Variants in FBXW5 observed in about 807,000 individuals in gnomAD.
FBXW5 encodes F-box and WD repeat domain containing 5.
Under a neutral mutation model 50.9 loss-of-function variants are expected in FBXW5, and 74 were observed. The ratio of observed to expected loss-of-function variants is 1.45; its 90% CI spans 1.20 to 1.76. The LOEUF (loss-of-function observed/expected upper bound fraction) is 1.76. FBXW5 is among the 40% of genes most tolerant of loss of function. The pLI, the probability that FBXW5 is intolerant of heterozygous loss-of-function variation, is 0.00. For missense variants in FBXW5, 1,073 were observed against 818.8 expected (o/e 1.31, Z -3.79); for synonymous variants, 523 against 362.2 (o/e 1.44, Z -5.04).
In FBXW5 at chr9:136,941,300, CGTT is replaced by C. The variant is rs1200733388; in HGVS notation, c.1405_1407del (p.Asn469del). 1.2e-6 allele frequency: 2 copies of C among 1,609,144 alleles called. No individual in the cohort carries two copies. Among genetic ancestry groups the C allele is most frequent in the African/African-American group, 2.7e-5 (2 of 74,938 alleles). On this transcript the variant is annotated inframe_deletion, in exon 8 of 9. Coordinates refer to ENST00000325285, the MANE Select transcript of FBXW5 (RefSeq NM_018998.4). ...TCCAGGAAGATGAAGAAGCACTCGT[CGTT>C]GGGCGTGTAGGCGCGGTGCGCACGC...
At chr9:136,944,245 G>T in intron 1 of FBXW5, 139 bp from the exon 2 acceptor site, 1 of 972,578 alleles carries the variant, frequency 1.0e-6, no homozygotes, top group Non-Finnish European at 1.4e-6. Context: ...GGGTACCGCC[G>T]CCCAACCAAG....
chr9:136,941,511 G>A lies in FBXW5; in HGVS notation c.1244+26C>T, dbSNP rs368964340. On this transcript the variant is annotated intron_variant, in intron 7 of 8. Transcript: ENST00000325285. Reference sequence around the variant, plus strand: ...GGTGTGGGCCGCCTGCGGGCACCCCGCCTGGGACACTGGCAAGAGGCCCAC... The same window carrying A: ...GGTGTGGGCCGCCTGCGGGCACCCCACCTGGGACACTGGCAAGAGGCCCAC... 229 of 1,605,902 alleles carry A rather than the reference G, an allele frequency of 1.4e-4. No individual in the cohort carries two copies. The highest frequency in any genetic ancestry group is 1.7e-4 in the Non-Finnish European group (204 of 1,178,694).
rs765289877 is a variant in FBXW5 at position 136,942,038 on chromosome 9, G to A, written c.1096+8C>T. 4 of 1,600,298 alleles carry A rather than the reference G, an allele frequency of 2.5e-6. No homozygotes were observed. The Admixed American group carries it at 5.0e-5, about 20-fold the overall frequency. On this transcript the variant is annotated splice_region_variant and intron_variant, in intron 6 of 8. Coordinates refer to ENST00000325285, the MANE Select transcript of FBXW5 (RefSeq NM_018998.4). The stretch of plus-strand genomic sequence containing the variant: ...ACCGAGGCGGGCAGCATGGCGGCAG[G>A]GGTGTACCGATCTGGTGTGGGGAGT...
chr9:136,940,619 G>A lies in FBXW5; in HGVS notation c.*309C>T, dbSNP rs1850713039. ...ACAGGACCAGCCGAAGGTGCCCCGG[G>A]CCGAGGCCAGCTGGGTCAGGTGTAC... On this transcript the variant is annotated 3_prime_UTR_variant, in exon 9 of 9. Coordinates refer to ENST00000325285, the MANE Select transcript of FBXW5 (RefSeq NM_018998.4). 1.8e-5 allele frequency: 7 copies of A among 388,576 alleles called. No individual in the cohort carries two copies. Among genetic ancestry groups the A allele is most frequent in the South Asian group, 1.1e-4 (4 of 37,520 alleles). 24.1% of individuals were successfully genotyped at this position (388,576 alleles called of 1,614,324 possible). A position where few individuals can be genotyped will look rare whatever the true frequency, so the allele number is the denominator to read the frequency against.
intron 1 of FBXW5, 111 bp from the exon 2 acceptor site, chr9:136,944,217 T>C: frequency 8.1e-7 from 1 of 1,234,226 alleles, no homozygotes; most frequent in East Asian, 2.8e-5. Flanking sequence ...CGGGGCTGCG[T>C]GTCTGCAGGG....
intron 3 of FBXW5, 143 bp from the exon 4 acceptor site, chr9:136,943,086 C>G (rs1850861269): frequency 7.5e-7 from 1 of 1,328,980 alleles, no homozygotes; most frequent in South Asian, 1.2e-5. Flanking sequence ...CACTGTCATC[C>G]ACTCGGGGGG....
chr9:136,944,097 C>A lies in FBXW5; in HGVS notation c.-14G>T. ...GCCCTCGTCCATCGTGACATTCTGC[C>A]CAGGCGGCCCTGAAACCCACCAACG... On this transcript the variant is annotated 5_prime_UTR_variant, in exon 2 of 9. Coordinates refer to ENST00000325285, the MANE Select transcript of FBXW5 (RefSeq NM_018998.4). 1.3e-6 allele frequency: 2 copies of A among 1,575,508 alleles called. No homozygotes were observed. The highest frequency in any genetic ancestry group is 2.4e-5 in the East Asian group (1 of 42,364).
rs1221067964 is a variant in FBXW5 at position 136,942,680 on chromosome 9, A to G, written c.542T>C (p.Leu181Pro). ...AVISLDSFAL[L>P]SRVRNKPYDV... ...ATAGGGCTTGTTCCGCACGCGGGAC[A>G]GCAGCGCGAAGGAGTCTGTGGGGAG... is the stretch of plus-strand genomic sequence containing the variant. The change falls in exon 5 of 9, where the codon CTG becomes CCG. Residue 181 changes from leucine to proline, a missense_variant. Physicochemically the swap from Leu to Pro is moderately conservative, Grantham distance 98. Coordinates refer to ENST00000325285, the MANE Select transcript of FBXW5 (RefSeq NM_018998.4). 1.2e-6 allele frequency: 2 copies of G among 1,610,598 alleles called. No homozygotes were observed. The highest frequency in any genetic ancestry group is 1.7e-6 in the Non-Finnish European group (2 of 1,179,044).
chr9:136,941,221 A>G (rs1564432383), intron 8 of FBXW5, 30 bp downstream of exon 8: 7 of 1,599,798 alleles, frequency 4.4e-6, no homozygotes, highest in South Asian at 3.3e-5. Flanking sequence ...TGCTGCCCAC[A>G]CCCGCCCTGC....
In FBXW5 at chr9:136,944,602, C is replaced by T. The variant is rs1472641896; in HGVS notation, c.-32G>A. 12 of 984,430 alleles carry T rather than the reference C, an allele frequency of 1.2e-5. No homozygotes were observed. The highest frequency in any genetic ancestry group is 1.1e-4 in the East Asian group (1 of 8,800). The allele number at this position is 984,430 out of a possible 1,614,324, so 61.0% of individuals were successfully genotyped here. A position where few individuals can be genotyped will look rare whatever the true frequency, so the allele number is the denominator to read the frequency against. On this transcript the variant is annotated 5_prime_UTR_variant, in exon 1 of 9. Transcript: ENST00000325285. ...GCCGCAGGCGCACTCACCACGGCCG[C>T]CTCCGCCCGCTGCGCCGCCCCCGCC...
intron 1 of FBXW5, 30 bp from the exon 2 acceptor site, chr9:136,944,136 C>T (rs1850936210): frequency 1.3e-6 from 2 of 1,512,276 alleles, no homozygotes; most frequent in Non-Finnish European, 1.8e-6. Context: ...GCCCTCAGCC[C>T]AGGCCCGGGA....
chr9:136,941,391 G>A lies in FBXW5; in HGVS notation c.1317C>T (p.Ile439=), dbSNP rs934354953. The A allele has an allele frequency of 1.6e-5, 25 of 1,611,348 alleles. No homozygotes were observed. Among genetic ancestry groups the A allele is most frequent in the Middle Eastern group, 1.6e-4 (1 of 6,062 alleles). Residue 439 remains isoleucine (I), a synonymous_variant, in exon 8 of 9, where the codon ATC becomes ATT. Coordinates refer to ENST00000325285, the MANE Select transcript of FBXW5 (RefSeq NM_018998.4). ...VVADPMQPPP[I]AEEIDLLVFD... is the part of the protein sequence containing the mutation. ...ACACCAGCAGGTCAATCTCCTCCGCGATTGGTGGCGGCTGCATGGGGTCGG... is the reference window on the plus strand; with the variant it reads ...ACACCAGCAGGTCAATCTCCTCCGCAATTGGTGGCGGCTGCATGGGGTCGG...
rs377316041 is a variant in FBXW5 at position 136,942,290 on chromosome 9, G to C, written c.852C>G (p.Ser284Arg). ...TSPCRIFDLG[S>R]DNEEVVAGPA... ...GGCCAGCCACCACCTCCTCGTTGTC[G>C]CTGCCCAGGTCAAAGATGCGGCAGG... is the stretch of plus-strand genomic sequence containing the variant. Residue 284 changes from serine (S) to arginine (R), a missense_variant, in exon 6 of 9, where the codon AGC becomes AGG. Ser to Arg is a moderately radical substitution (Grantham distance 110). Transcript: ENST00000325285. 10 of 1,589,828 alleles carry C rather than the reference G, an allele frequency of 6.3e-6. No individual in the cohort carries two copies. In the Admixed American group the frequency reaches 1.8e-4, roughly 28 times the overall value.
At position 136,941,029 on chromosome 9, in the gene FBXW5, T is replaced by G; in HGVS notation, c.1600A>C (p.Thr534Pro). The stretch of plus-strand genomic sequence containing the variant: ...CGTGGGGAGCGCCAGGCTTTGATGG[T>G]GGCGTCGTCGCTGGCCGTGAGCAGC... Reference protein sequence around the residue: ...ELLLTASDDATIKAWRSPRTM... With the variant: ...ELLLTASDDAPIKAWRSPRTM... The change falls in exon 9 of 9, where the codon ACC becomes CCC. Residue 534 changes from threonine (T) to proline (P), a missense_variant. Thr to Pro is a conservative substitution (Grantham distance 38, BLOSUM62 -1). Coordinates refer to ENST00000325285, the MANE Select transcript of FBXW5 (RefSeq NM_018998.4). The G allele has an allele frequency of 6.4e-7, 1 of 1,553,238 alleles. No individual in the cohort carries two copies. Among genetic ancestry groups the G allele is most frequent in the Non-Finnish European group, 8.7e-7 (1 of 1,148,176 alleles).
In FBXW5 at chr9:136,942,201, G is replaced by A. The variant is rs775361894; in HGVS notation, c.941C>T (p.Ala314Val). 10 of 1,576,240 alleles carry A rather than the reference G, an allele frequency of 6.3e-6. No homozygotes were observed. Among genetic ancestry groups the A allele is most frequent in the East Asian group, 2.4e-5 (1 of 42,428 alleles). Residue 314 changes from alanine to valine, a missense_variant, in exon 6 of 9, where the codon GCG (alanine) becomes GTG (valine). Physicochemically the swap from Ala to Val is moderately conservative, Grantham distance 64. Coordinates refer to ENST00000325285, the MANE Select transcript of FBXW5 (RefSeq NM_018998.4). Reference sequence around the variant, plus strand: ...CATGCGCTCCGACAGCTGTGGCTGCGCCCGCCCCTCCAGCACGCGGTCCAG... The same window carrying A: ...CATGCGCTCCGACAGCTGTGGCTGCACCCGCCCCTCCAGCACGCGGTCCAG... ...HFLDRVLEGR[A>V]QPQLSERMLE...
At position 136,941,032 on chromosome 9, in the gene FBXW5, C is replaced by G; in HGVS notation, c.1597G>C (p.Ala533Pro). Reference protein sequence around the residue: ...QELLLTASDDATIKAWRSPRT... With the variant: ...QELLLTASDDPTIKAWRSPRT... ...GGGGAGCGCCAGGCTTTGATGGTGGCGTCGTCGCTGGCCGTGAGCAGCAGC... is the reference window on the plus strand; with the variant it reads ...GGGGAGCGCCAGGCTTTGATGGTGGGGTCGTCGCTGGCCGTGAGCAGCAGC... The change falls in exon 9 of 9, where the codon GCC becomes CCC. Residue 533 changes from alanine to proline, a missense_variant. Coordinates refer to ENST00000325285, the MANE Select transcript of FBXW5 (RefSeq NM_018998.4). 1 of 1,553,236 alleles carries G rather than the reference C, an allele frequency of 6.4e-7. No individual in the cohort carries two copies.
rs1280019229 is a variant in FBXW5 at position 136,943,658 on chromosome 9, TA to T, written c.194-153del. On this transcript the variant is annotated intron_variant, in intron 2 of 8. Coordinates refer to ENST00000325285, the MANE Select transcript of FBXW5 (RefSeq NM_018998.4). ...GCCTCGGCTGGGGGATTCAACCCTGTAGCTCACAGAGACCCCTGTACCCCCC... is the reference window on the plus strand; with the variant it reads ...GCCTCGGCTGGGGGATTCAACCCTGTGCTCACAGAGACCCCTGTACCCCCC... 10 of 1,184,988 alleles carry T rather than the reference TA, an allele frequency of 8.4e-6. No individual in the cohort carries two copies. The African/African-American group carries it at 1.4e-4, about 16-fold the overall frequency. The allele number at this position is 1,184,988 out of a possible 1,614,324, so 73.4% of individuals were successfully genotyped here.
Position 136,941,530 on chromosome 9 carries a change from G to A in FBXW5, c.1244+7C>T, listed in dbSNP as rs938551061. ...CACCCCGCCTGGGACACTGGCAAGA[G>A]GCCCACCTGTTGTCGGGCGACAGGC... On this transcript the variant is annotated splice_region_variant and intron_variant, in intron 7 of 8. Coordinates refer to ENST00000325285, the MANE Select transcript of FBXW5 (RefSeq NM_018998.4). 7 of 1,609,324 alleles carry A rather than the reference G, an allele frequency of 4.3e-6. No individual in the cohort carries two copies. Among genetic ancestry groups the A allele is most frequent in the Non-Finnish European group, 5.9e-6 (7 of 1,179,430 alleles).
At chr9:136,944,494 C>G (rs1270485087) in intron 1 of FBXW5, 100 bp downstream of exon 1, 1 of 984,330 alleles carries the variant, frequency 1.0e-6, no homozygotes, top group Non-Finnish European at 1.2e-6. Flanking sequence ...TCGGGGCGGA[C>G]GGCGGGGACG....
Sources: allele counts gnomAD v4.1 joint callset, GRCh38; gene constraint gnomAD v4.1.1; transcripts MANE v1.5; gene names NCBI Gene and HGNC (gene_info 2026-07-23, HGNC 2026-07-21).